Variants in EPB41L3 observed in about 807,000 individuals in gnomAD.
EPB41L3 encodes band 4.1-like protein 3.
In EPB41L3, 57 loss-of-function variants were observed where a neutral mutation model predicts 127.1. The observed-to-expected ratio is 0.45, with a 90% CI of 0.36 to 0.56. EPB41L3 has a LOEUF of 0.56. EPB41L3 is among the 20% of genes least tolerant of loss of function. The probability of loss-of-function intolerance (pLI) is 0.00; values close to 1 mark genes in which losing one functional copy is unlikely to be tolerated. For synonymous variants in EPB41L3, 572 were observed against 549.5 expected, an observed-to-expected ratio of 1.04 and a Z score of -0.57; for missense variants, 1,273 against 1,372.2, an observed-to-expected ratio of 0.93 and a Z score of 1.14.
intron 2 of EPB41L3, among the ~76,000 whole-genome samples, chr18:5,482,877 A>G (rs1409460279): frequency 6.6e-6 from 1 of 152,166 alleles, no homozygotes; most frequent in East Asian, 1.9e-4. Flanking sequence ...TCAATCTGAA[A>G]TAAAAAACCA....
intron 3 of EPB41L3, among the ~76,000 whole-genome samples, chr18:5,457,987 A>G (rs73937138): frequency 0.075 from 11,381 of 152,078 alleles, 1,114 homozygotes; most frequent in African/African-American, 0.22. Context: ...AGCTATATCC[A>G]CTCACCACTG....
In EPB41L3 at chr18:5,393,225, A is replaced by C. The variant is rs2072684510; in HGVS notation, c.*260T>G. The C allele has an allele frequency of 2.4e-6, 1 of 411,870 alleles. No homozygotes were observed. Among genetic ancestry groups the C allele is most frequent in the African/African-American group, 2.1e-5 (1 of 48,700 alleles). The allele number at this position is 411,870 out of a possible 1,614,324, so 25.5% of individuals were successfully genotyped here. On this transcript the variant is annotated 3_prime_UTR_variant, in exon 23 of 23. Coordinates refer to ENST00000341928, the MANE Select transcript of EPB41L3 (RefSeq NM_012307.5). ...AGCTGAAAACTGAGACATTTTGTGA[A>C]AATTAAAAATGCTGCTCTTTTGTAA...
In EPB41L3 at chr18:5,447,707, T is replaced by C. The variant is rs1219679104; in HGVS notation, c.382-2463A>G. Reference sequence around the variant, plus strand: ...GTTACAGTTCCAATTCGCCACTTTCTGGCTGCTGTGTTCTTTCCTTTGCCT... The same window carrying C: ...GTTACAGTTCCAATTCGCCACTTTCCGGCTGCTGTGTTCTTTCCTTTGCCT... On this transcript the variant is annotated intron_variant, in intron 3 of 22. Coordinates refer to ENST00000341928, the MANE Select transcript of EPB41L3 (RefSeq NM_012307.5). Among the ~76,000 whole-genome samples the C allele has an allele frequency of 2.6e-5, 4 of 152,228 alleles. No homozygotes were observed. In the East Asian group the frequency reaches 7.7e-4, roughly 29 times the overall value.
At chr18:5,431,646 C>CTTAT (rs1318596588) in intron 8 of EPB41L3, among the ~76,000 whole-genome samples, 3 of 152,022 alleles carry the variant, frequency 2.0e-5, no homozygotes, top group East Asian at 1.9e-4. Context: ...CTTTTATTTA[C>CTTAT]TTATTTATTT....
Position 5,438,126 on chromosome 18 carries a change from A to G in EPB41L3, c.530-16T>C. On this transcript the variant is annotated splice_polypyrimidine_tract_variant and intron_variant, in intron 5 of 22. Coordinates refer to ENST00000341928, the MANE Select transcript of EPB41L3 (RefSeq NM_012307.5). ...CAAGCACCACCTGCAAGGATGGAAA[A>G]AAATTAGAGTAAAACCTTGAGAAAT... The G allele has an allele frequency of 6.2e-7, 1 of 1,611,684 alleles. No homozygotes were observed. The highest frequency in any genetic ancestry group is 1.1e-5 in the South Asian group (1 of 90,914).
At chr18:5,424,657 CA>C (rs1158131192) in intron 9 of EPB41L3, among the ~76,000 whole-genome samples, 8 of 152,050 alleles carry the variant, frequency 5.3e-5, no homozygotes, top group Non-Finnish European at 1.2e-4. Context: ...TGATTTCTTC[CA>C]GAAATCAATT....
At position 5,392,597 on chromosome 18, in the gene EPB41L3, CTTTCT is replaced by C. The variant is rs937306739; in HGVS notation, c.*883_*887del. The C allele has an allele frequency of 3.3e-5, 5 of 152,536 alleles. No individual in the cohort carries two copies. Among genetic ancestry groups the C allele is most frequent in the African/African-American group, 9.7e-5 (4 of 41,408 alleles). The allele number at this position is 152,536 out of a possible 1,614,324, so 9.4% of individuals were successfully genotyped here. On this transcript the variant is annotated 3_prime_UTR_variant, in exon 23 of 23. Coordinates refer to ENST00000341928, the MANE Select transcript of EPB41L3 (RefSeq NM_012307.5). ...ATGGACCAGATTTGAAAATAAAACACTTTCTTTTCAAGTAAAAGAAGAAAAATCAA... is the reference window on the plus strand; with the variant it reads ...ATGGACCAGATTTGAAAATAAAACACTTTCAAGTAAAAGAAGAAAAATCAA...
intron 1 of EPB41L3, among the ~76,000 whole-genome samples, chr18:5,514,383 A>C (rs2092669467): frequency 6.6e-6 from 1 of 152,242 alleles, no homozygotes; most frequent in Non-Finnish European, 1.5e-5. Flanking sequence ...ACCATAACCA[A>C]AATAAGACAT....
chr18:5,482,351 C>G (rs2088742187), intron 2 of EPB41L3, among the ~76,000 whole-genome samples: 1 of 152,074 alleles, frequency 6.6e-6, no homozygotes. Context: ...AGAGTGCATA[C>G]AAGGTACAGA....
intron 3 of EPB41L3, among the ~76,000 whole-genome samples, chr18:5,593,586 T>C (rs940274123): frequency 1.3e-5 from 2 of 152,146 alleles, no homozygotes; most frequent in African/African-American, 2.4e-5. Flanking sequence ...TCAGGCACCA[T>C]TGTCATTGAA....
chr18:5,514,124 C>T (rs2092657136), intron 1 of EPB41L3, among the ~76,000 whole-genome samples: 1 of 152,218 alleles, frequency 6.6e-6, no homozygotes, highest in African/African-American at 2.4e-5. Flanking sequence ...ACATAGCTGA[C>T]ATCAACCCTT....
chr18:5,396,817 G>C (rs2073585367), intron 18 of EPB41L3, among the ~76,000 whole-genome samples: 1 of 152,102 alleles, frequency 6.6e-6, no homozygotes, highest in Non-Finnish European at 1.5e-5. Flanking sequence ...AGTGAGAGTA[G>C]AAACCATTTC....
intron 3 of EPB41L3, among the ~76,000 whole-genome samples, chr18:5,477,713 A>G (rs1188332816): frequency 1.3e-5 from 2 of 152,168 alleles, no homozygotes; most frequent in Non-Finnish European, 2.9e-5. Flanking sequence ...TTTTCTTTAC[A>G]AAGAAAAACA....
chr18:5,448,220 C>T (rs181142886), intron 3 of EPB41L3, among the ~76,000 whole-genome samples: 2 of 152,256 alleles, frequency 1.3e-5, no homozygotes, highest in East Asian at 1.9e-4. Context: ...GCACCCAGAT[C>T]GGGCATCAGC....
At position 5,576,255 on chromosome 18, in the gene EPB41L3, TTAC is replaced by T. The variant is rs145787112; in HGVS notation, c.-306+36082_-306+36084del. 4.2e-3 allele frequency among the ~76,000 whole-genome samples: 639 copies of T among 152,324 alleles called. 7 individuals carry two copies. The highest frequency in any genetic ancestry group is 0.015 in the African/African-American group (618 of 41,578). ...AAATAGGAATAATACTTAAAATATC[TTAC>T]TACAAGTTACTTTTCCCAAATAGTA... On this transcript the variant is annotated intron_variant, in intron 3 of 21. Transcript: ENST00000545076.
At chr18:5,514,556 G>A (rs781127715) in intron 1 of EPB41L3, among the ~76,000 whole-genome samples, 6 of 152,006 alleles carry the variant, frequency 3.9e-5, no homozygotes, top group Admixed American at 1.3e-4. Context: ...ACCACCTTAC[G>A]CACATTGGAT....
At chr18:5,574,117 C>T in intron 3 of EPB41L3, among the ~76,000 whole-genome samples, 1 of 152,034 alleles carries the variant, frequency 6.6e-6, no homozygotes. Context: ...ACAGTGTGTC[C>T]TTCACAGCTA....
In EPB41L3 at chr18:5,477,591, C is replaced by T. The variant is rs564253650; in HGVS notation, c.381+650G>A. ...CCTCCCTGATACTCAGAGAACTCAA[C>T]AGTCAGCTGTCTCTGCAGTTCCAGA... is the stretch of plus-strand genomic sequence containing the variant. On this transcript the variant is annotated intron_variant, in intron 3 of 22. Transcript: ENST00000341928. Among the ~76,000 whole-genome samples, 33 of 152,324 alleles carry T rather than the reference C, an allele frequency of 2.2e-4. 1 individual carries two copies. The highest frequency in any genetic ancestry group is 7.7e-4 in the African/African-American group (32 of 41,584).
chr18:5,604,238 T>C (rs1034288419), intron 3 of EPB41L3, among the ~76,000 whole-genome samples: 1 of 151,440 alleles, frequency 6.6e-6, no homozygotes, highest in Non-Finnish European at 1.5e-5. Flanking sequence ...GAAATCTCCT[T>C]GGTATTTGAC....
Sources: allele counts gnomAD v4.1 joint callset (sites outside exome capture counted in the v4.1 genomes callset), GRCh38; gene constraint gnomAD v4.1.1; transcripts MANE v1.5; gene names NCBI Gene and HGNC (gene_info 2026-07-23, HGNC 2026-07-21).